Variants in GRK5 observed in about 807,000 individuals in gnomAD.
The protein encoded by GRK5 is G protein-coupled receptor kinase 5.
Under a neutral mutation model 78.4 loss-of-function variants are expected in GRK5, and 40 were observed. That is an observed-to-expected ratio of 0.51 (90% CI 0.40 to 0.66). The LOEUF is 0.66. Ranked by LOEUF, GRK5 falls within the 30% of genes least tolerant of loss-of-function variation. The pLI is 0.00. For missense variants in GRK5, 598 were observed against 759.9 expected, an observed-to-expected ratio of 0.79 and a Z score of 2.50; for synonymous variants, 289 against 296.8, an observed-to-expected ratio of 0.97 and a Z score of 0.27.
At chr10:119,275,459 T>C (rs930817012) in intron 1 of GRK5, among the ~76,000 whole-genome samples, 1 of 152,188 alleles carries the variant, frequency 6.6e-6, no homozygotes, top group African/African-American at 2.4e-5. Context: ...TATTACACTT[T>C]ACTATGAAGG....
chr10:119,397,972 G>C (rs1454054735), intron 4 of GRK5, among the ~76,000 whole-genome samples: 1 of 152,184 alleles, frequency 6.6e-6, no homozygotes, highest in African/African-American at 2.4e-5. Flanking sequence ...AACACCCCCA[G>C]CCCTTTTGCA....
At chr10:119,428,955 C>T (rs915320476) in intron 6 of GRK5, among the ~76,000 whole-genome samples, 2 of 152,256 alleles carry the variant, frequency 1.3e-5, no homozygotes, top group African/African-American at 4.8e-5. Context: ...CCAACCGTTT[C>T]TCCTCCATGC....
At position 119,207,901 on chromosome 10, in the gene GRK5, C is replaced by T. The variant is rs1848413974; in HGVS notation, c.-17C>T. 5 of 1,594,210 alleles carry T rather than the reference C, an allele frequency of 3.1e-6. No individual in the cohort carries two copies. Among genetic ancestry groups the T allele is most frequent in the African/African-American group, 1.4e-5 (1 of 72,698 alleles). On this transcript the variant is annotated 5_prime_UTR_variant, in exon 1 of 16. Transcript: ENST00000392870. The stretch of plus-strand genomic sequence containing the variant: ...ACAGCCCCGCCGGCCGGCTCCGTTG[C>T]TGACCGCCGACTGTCAATGGAGCTG...
intron 1 of GRK5, among the ~76,000 whole-genome samples, chr10:119,227,473 G>A (rs1352806528): frequency 6.6e-6 from 1 of 152,132 alleles, no homozygotes; most frequent in Non-Finnish European, 1.5e-5. Flanking sequence ...AGGAGGTTGA[G>A]GCAAGAGAAT....
chr10:119,316,068 C>T (rs1850482057), intron 1 of GRK5, among the ~76,000 whole-genome samples: 2 of 152,150 alleles, frequency 1.3e-5, no homozygotes, highest in South Asian at 2.1e-4. Context: ...ACCAGCAGTG[C>T]CCCCAGACTA....
intron 1 of GRK5, among the ~76,000 whole-genome samples, chr10:119,215,104 G>C (rs530488247): frequency 1.3e-5 from 2 of 152,310 alleles, no homozygotes; most frequent in African/African-American, 4.8e-5. Context: ...AAAGATTAAA[G>C]GTACCTGTTC....
At chr10:119,373,822 TA>T (rs1423293437) in intron 2 of GRK5, among the ~76,000 whole-genome samples, 1 of 152,144 alleles carries the variant, frequency 6.6e-6, no homozygotes, top group Non-Finnish European at 1.5e-5. Flanking sequence ...TCAATTCATA[TA>T]AAAAATGCAA....
At chr10:119,255,391 T>C (rs1849265277) in intron 1 of GRK5, among the ~76,000 whole-genome samples, 1 of 152,206 alleles carries the variant, frequency 6.6e-6, no homozygotes, top group Non-Finnish European at 1.5e-5. Context: ...GGAAGCTTTG[T>C]CACATCGACT....
intron 4 of GRK5, among the ~76,000 whole-genome samples, chr10:119,406,830 C>G (rs1433315731): frequency 6.6e-6 from 1 of 152,244 alleles, no homozygotes; most frequent in African/African-American, 2.4e-5. Flanking sequence ...ACTTCCACTT[C>G]TGGGAGCAGC....
At chr10:119,293,643 T>C (rs1478375136) in intron 1 of GRK5, among the ~76,000 whole-genome samples, 2 of 152,128 alleles carry the variant, frequency 1.3e-5, no homozygotes, top group Non-Finnish European at 2.9e-5. Flanking sequence ...TCCTTCCGGA[T>C]AGACCTTGGG....
At chr10:119,250,946 C>T (rs988290763) in intron 1 of GRK5, among the ~76,000 whole-genome samples, 3 of 152,120 alleles carry the variant, frequency 2.0e-5, no homozygotes, top group Non-Finnish European at 4.4e-5. Context: ...CTATCGAGGG[C>T]CTTTGCAACA....
chr10:119,330,716 C>T (rs954400619), intron 2 of GRK5, among the ~76,000 whole-genome samples: 1 of 152,096 alleles, frequency 6.6e-6, no homozygotes, highest in African/African-American at 2.4e-5. Flanking sequence ...CCCCCTCCTC[C>T]CAAATTAAGA....
intron 2 of GRK5, among the ~76,000 whole-genome samples, chr10:119,374,048 C>T (rs1305535305): frequency 6.6e-6 from 1 of 152,084 alleles, no homozygotes; most frequent in Non-Finnish European, 1.5e-5. Flanking sequence ...GATGCGAGAT[C>T]AGGAATCCCT....
intron 2 of GRK5, among the ~76,000 whole-genome samples, chr10:119,373,434 G>A (rs1851578105): frequency 6.6e-6 from 1 of 152,224 alleles, no homozygotes; most frequent in African/African-American, 2.4e-5. Context: ...TAGTGAATAA[G>A]TCTCACAAGA....
intron 1 of GRK5, among the ~76,000 whole-genome samples, chr10:119,232,417 T>C (rs1219622578): frequency 3.3e-5 from 5 of 152,214 alleles, no homozygotes; most frequent in African/African-American, 1.2e-4. Flanking sequence ...GTTCTATATC[T>C]GTAGAATGAC....
intron 4 of GRK5, among the ~76,000 whole-genome samples, chr10:119,411,449 C>G (rs781504324): frequency 3.9e-5 from 6 of 152,184 alleles, no homozygotes; most frequent in Non-Finnish European, 8.8e-5. Context: ...TGCCATCTTC[C>G]TAAAGGCATC....
intron 3 of GRK5, among the ~76,000 whole-genome samples, chr10:119,381,895 A>G (rs988152234): frequency 1.3e-5 from 2 of 152,034 alleles, no homozygotes; most frequent in Admixed American, 1.3e-4. Flanking sequence ...CTGCTTCAAG[A>G]TCTCGATGTG....
At chr10:119,426,539 T>G (rs1355206288) in intron 6 of GRK5, among the ~76,000 whole-genome samples, 2 of 152,218 alleles carry the variant, frequency 1.3e-5, no homozygotes, top group Non-Finnish European at 2.9e-5. Flanking sequence ...TGATTGTGCC[T>G]GCATTGTGGG....
In GRK5 at chr10:119,282,848, G is replaced by A. The variant is rs551592528; in HGVS notation, c.53-43668G>A. Among the ~76,000 whole-genome samples, 15 of 152,322 alleles carry A rather than the reference G, an allele frequency of 9.8e-5. 1 individual carries two copies. Among genetic ancestry groups the A allele is most frequent in the African/African-American group, 3.6e-4 (15 of 41,568 alleles). On this transcript the variant is annotated intron_variant, in intron 1 of 15. Transcript: ENST00000392870. ...CCAACATGAATGTCTTGTCTTAAAG[G>A]TGAGGCCTTGTGAGAAAGCAGGACT...
Sources: allele counts gnomAD v4.1 joint callset (sites outside exome capture counted in the v4.1 genomes callset), GRCh38; gene constraint gnomAD v4.1.1; transcripts MANE v1.5; gene names NCBI Gene and HGNC (gene_info 2026-07-23, HGNC 2026-07-21).